The following CDH12 variants were observed in gnomAD, a reference collection of about 807,000 sequenced individuals.
CDH12 encodes the protein cadherin-12.
A neutral mutation model predicts 74.1 loss-of-function variants in CDH12; 41 were observed. The observed-to-expected ratio is 0.55, with a 90% CI of 0.43 to 0.72. The LOEUF is 0.72. Among genes scored for constraint, CDH12 ranks in the 30% least tolerant of loss-of-function variants. CDH12 has a pLI of 0.00. For synonymous variants in CDH12, 399 were observed against 355.0 expected (o/e 1.12, Z -1.39); for missense variants, 945 against 977.2 (o/e 0.97, Z 0.44).
intron 2 of CDH12, among the ~76,000 whole-genome samples, chr5:22,430,971 CTATT>C (rs1744145885): frequency 6.6e-6 from 1 of 151,998 alleles, no homozygotes; most frequent in African/African-American, 2.4e-5. Context: ...ACAAGGTAGT[CTATT>C]TATATGAACA....
intron 1 of CDH12, among the ~76,000 whole-genome samples, chr5:22,625,725 C>A (rs970060698): frequency 1.3e-5 from 2 of 152,130 alleles, no homozygotes; most frequent in Non-Finnish European, 2.9e-5. Flanking sequence ...GCTTGCAGGG[C>A]ATATTTGAAT....
rs111778258 is a variant in CDH12, at chr5:21,964,850, T to C, written c.526+10241A>G. ...TTGTATTTTCAATGTTTAGGATTAT[T>C]TGTTAGCTTAGGTATAGACTAGACT... On this transcript the variant is annotated intron_variant, in intron 6 of 14. Transcript: ENST00000382254. Among the ~76,000 whole-genome samples, 909 of 152,176 alleles carry C rather than the reference T, an allele frequency of 6.0e-3. 6 individuals are homozygous for C. Among genetic ancestry groups the C allele is most frequent in the Admixed American group, 0.01 (157 of 15,272 alleles).
At chr5:22,559,617 T>C (rs1182299383) in intron 1 of CDH12, among the ~76,000 whole-genome samples, 1 of 152,096 alleles carries the variant, frequency 6.6e-6, no homozygotes, top group Non-Finnish European at 1.5e-5. Context: ...TCTTTTTAAT[T>C]GTTTGTAATA....
chr5:22,359,434 T>C (rs1456093299), intron 3 of CDH12, among the ~76,000 whole-genome samples: 2 of 151,374 alleles, frequency 1.3e-5, no homozygotes, highest in African/African-American at 4.9e-5. Context: ...AAAAAGCAAG[T>C]CCTTAGAGAT....
intron 1 of CDH12, among the ~76,000 whole-genome samples, chr5:22,552,971 A>G (rs1738643091): frequency 6.6e-6 from 1 of 152,166 alleles, no homozygotes; most frequent in South Asian, 2.1e-4. Flanking sequence ...TTTCTTAAAA[A>G]TATATAATAT....
In CDH12 at chr5:22,415,704, C is replaced by A. The variant is rs190692269; in HGVS notation, c.-427-10353G>T. ...CTTGAGTCTGAGAGCAATCAAAGTA[C>A]CAACAAAGAATTAAAAGATACACAA... On this transcript the variant is annotated intron_variant, in intron 2 of 14. Transcript: ENST00000382254. Among the ~76,000 whole-genome samples the A allele has an allele frequency of 2.4e-3, 365 of 152,204 alleles. 3 individuals are homozygous for A. Among genetic ancestry groups the A allele is most frequent in the African/African-American group, 8.1e-3 (337 of 41,536 alleles).
At chr5:22,053,662 T>C (rs1740543274) in intron 5 of CDH12, among the ~76,000 whole-genome samples, 1 of 152,040 alleles carries the variant, frequency 6.6e-6, no homozygotes, top group African/African-American at 2.4e-5. Context: ...AGTACTTCCC[T>C]CTAGGGGGTG....
rs1276945606 is a variant in CDH12, at chr5:22,400,632, GATTTTGGTAGAAATCTAATATATTTT to G, written c.-333+4599_-333+4624del. Among the ~76,000 whole-genome samples, 4 of 152,098 alleles carry G rather than the reference GATTTTGGTAGAAATCTAATATATTTT, an allele frequency of 2.6e-5. No individual in the cohort carries two copies. The East Asian group carries it at 7.8e-4, about 30-fold the overall frequency. ...ACTGAAGTTGCAAAACAGATAGACA[GATTTTGGTAGAAATCTAATATATTTT>G]ATTTGATATCATTAGATCATCATAT... On this transcript the variant is annotated intron_variant, in intron 3 of 14. Coordinates refer to ENST00000382254, the MANE Select transcript of CDH12 (RefSeq NM_004061.5).
At chr5:22,032,271 C>T (rs1333309267) in intron 5 of CDH12, among the ~76,000 whole-genome samples, 2 of 151,848 alleles carry the variant, frequency 1.3e-5, no homozygotes, top group African/African-American at 4.8e-5. Context: ...TTTTTATAAC[C>T]TAAAGAAATG....
At chr5:22,204,248 G>A (rs980203273) in intron 4 of CDH12, among the ~76,000 whole-genome samples, 68 of 149,284 alleles carry the variant, frequency 4.6e-4, no homozygotes, top group African/African-American at 1.5e-3. Context: ...TCTCAGCTCC[G>A]CCTCGGGGTT....
intron 13 of CDH12, among the ~76,000 whole-genome samples, chr5:21,758,762 G>A (rs1744545271): frequency 6.6e-6 from 1 of 152,062 alleles, no homozygotes; most frequent in Non-Finnish European, 1.5e-5. Flanking sequence ...AAGAATAAGT[G>A]TACACCATGC....
chr5:22,394,972 A>C (rs1384330476), intron 3 of CDH12, among the ~76,000 whole-genome samples: 1 of 152,138 alleles, frequency 6.6e-6, no homozygotes, highest in Non-Finnish European at 1.5e-5. Context: ...ATAAATTTTC[A>C]GGGGCTGAGG....
chr5:22,568,803 T>G (rs1014354404), intron 1 of CDH12, among the ~76,000 whole-genome samples: 9 of 152,308 alleles, frequency 5.9e-5, no homozygotes, highest in African/African-American at 2.2e-4. Flanking sequence ...TACACTAGTC[T>G]TTTATGTGTG....
chr5:21,967,556 T>A (rs560544987), intron 6 of CDH12, among the ~76,000 whole-genome samples: 3 of 152,014 alleles, frequency 2.0e-5, no homozygotes, highest in Non-Finnish European at 4.4e-5. Flanking sequence ...CATTTGGTGG[T>A]TTCGAAAAAA....
intron 1 of CDH12, among the ~76,000 whole-genome samples, chr5:22,519,983 TAAGAG>T (rs1430982704): frequency 6.6e-6 from 1 of 152,094 alleles, no homozygotes; most frequent in Non-Finnish European, 1.5e-5. Context: ...CTCTCTGGTT[TAAGAG>T]ATATAAAAAT....
intron 2 of CDH12, among the ~76,000 whole-genome samples, chr5:22,428,230 C>G (rs1554040121): frequency 7.4e-6 from 1 of 135,986 alleles, no homozygotes; most frequent in Admixed American, 7.4e-5. Context: ...CACACACACA[C>G]AATCTATGTG....
intron 5 of CDH12, among the ~76,000 whole-genome samples, chr5:21,993,336 G>A (rs1736072007): frequency 6.6e-6 from 1 of 152,104 alleles, no homozygotes; most frequent in South Asian, 2.1e-4. Flanking sequence ...AGGACTGTCA[G>A]GACAATGGAT....
In CDH12 at chr5:22,435,607, A is replaced by C. The variant is rs569249165; in HGVS notation, c.-427-30256T>G. Among the ~76,000 whole-genome samples, 3 of 152,014 alleles carry C rather than the reference A, an allele frequency of 2.0e-5. No individual in the cohort carries two copies. In the South Asian group the frequency reaches 6.2e-4, roughly 32 times the overall value. ...GAAACTTAGTTTATAGTTTAAAACAAAGATGATAATAGCCCTTTCCCAAAA... is the reference window on the plus strand; with the variant it reads ...GAAACTTAGTTTATAGTTTAAAACACAGATGATAATAGCCCTTTCCCAAAA... On this transcript the variant is annotated intron_variant, in intron 2 of 14. Coordinates refer to ENST00000382254, the MANE Select transcript of CDH12 (RefSeq NM_004061.5).
At chr5:21,823,462 G>T (rs1476669366) in intron 8 of CDH12, among the ~76,000 whole-genome samples, 2 of 151,842 alleles carry the variant, frequency 1.3e-5, no homozygotes, top group African/African-American at 4.8e-5. Context: ...TACTTTTGTT[G>T]CTGCAATTTG....
Sources: allele counts gnomAD v4.1 joint callset (sites outside exome capture counted in the v4.1 genomes callset), GRCh38; gene constraint gnomAD v4.1.1; transcripts MANE v1.5; gene names NCBI Gene and HGNC (gene_info 2026-07-23, HGNC 2026-07-21).